CDC40: variants seen among roughly 807,000 people sequenced by gnomAD.
CDC40 encodes cell division cycle 40.
Under a neutral mutation model 80.6 loss-of-function variants are expected in CDC40, and 27 were observed. The ratio of observed to expected loss-of-function variants is 0.33; its 90% CI spans 0.25 to 0.46. CDC40 has a LOEUF of 0.46. CDC40 is among the 20% of genes least tolerant of loss of function. CDC40 has a pLI of 1.00. For synonymous variants in CDC40, 221 were observed against 232.6 expected (o/e 0.95, Z 0.45); for missense variants, 486 against 694.1 (o/e 0.70, Z 3.37).
chr6:110,224,148 C>T (rs1215398301), intron 12 of CDC40: 1 of 151,904 alleles, frequency 6.6e-6, no homozygotes, highest in African/African-American at 2.4e-5. Flanking sequence ...CGACCAAATG[C>T]ATGAAATATC....
rs181633317 is a variant in CDC40 at position 110,199,462 on chromosome 6, T to C, written c.277-2096T>C. The stretch of plus-strand genomic sequence containing the variant: ...ACAAAAAATTAGCCGGGTGTGGTGG[T>C]GGGCACCTGTAGTCCCAGCTACTCG... On this transcript the variant is annotated intron_variant, in intron 2 of 14. Coordinates refer to ENST00000307731, the MANE Select transcript of CDC40 (RefSeq NM_015891.3). Among the ~76,000 whole-genome samples the C allele has an allele frequency of 1.3e-3, 196 of 151,758 alleles. 1 individual carries two copies. The highest frequency in any genetic ancestry group is 4.6e-3 in the African/African-American group (192 of 41,330).
chr6:110,190,248 AAAGGCATTGCCT>A (rs1188798437), intron 1 of CDC40, among the ~76,000 whole-genome samples: 1 of 152,242 alleles, frequency 6.6e-6, no homozygotes, highest in African/African-American at 2.4e-5. Context: ...ATAAAATAAT[AAAGGCATTGCCT>A]AAGGTACAAG....
chr6:110,218,877 C>G lies in CDC40; in HGVS notation c.1091-487C>G, dbSNP rs1777732399. On this transcript the variant is annotated intron_variant, in intron 10 of 14. Coordinates refer to ENST00000307731, the MANE Select transcript of CDC40 (RefSeq NM_015891.3). ...CTATGCAGTTGTCTACCACAAAGATCAAGATCTAGAACATTTGCGGCACTC... is the reference window on the plus strand; with the variant it reads ...CTATGCAGTTGTCTACCACAAAGATGAAGATCTAGAACATTTGCGGCACTC... Among the ~76,000 whole-genome samples the G allele has an allele frequency of 2.1e-5, 3 of 142,152 alleles. No individual in the cohort carries two copies. The South Asian group carries it at 6.7e-4, about 32-fold the overall frequency. The allele number at this position is 142,152 out of a possible 152,430, so 93.3% of individuals were successfully genotyped here. A position where few individuals can be genotyped will look rare whatever the true frequency, so the allele number is the denominator to read the frequency against.
intron 12 of CDC40, among the ~76,000 whole-genome samples, chr6:110,223,347 T>A (rs1336183697): frequency 6.6e-6 from 1 of 152,152 alleles, no homozygotes; most frequent in Non-Finnish European, 1.5e-5. Flanking sequence ...ATCATATGAA[T>A]GGATGGTTAG....
intron 14 of CDC40, among the ~76,000 whole-genome samples, chr6:110,229,715 G>A (rs537197032): frequency 3.3e-5 from 5 of 151,910 alleles, no homozygotes; most frequent in Non-Finnish European, 7.4e-5. Flanking sequence ...GTGGCTCCTG[G>A]GACTCCCAGT....
At chr6:110,217,663 A>T in intron 9 of CDC40, 39 bp from the exon 10 acceptor site, 1 of 870,058 alleles carries the variant, frequency 1.1e-6, no homozygotes, top group Middle Eastern at 2.2e-4. Flanking sequence ...GATATATGAT[A>T]CTTCACCTCA....
At chr6:110,212,997 C>A in intron 7 of CDC40, 89 bp from the exon 8 acceptor site, 2 of 895,330 alleles carry the variant, frequency 2.2e-6, no homozygotes, top group Non-Finnish European at 3.8e-6. Context: ...GCAAATTAGG[C>A]TGCTTAATAT....
chr6:110,228,815 A>C lies in CDC40; in HGVS notation c.1418-17A>C, dbSNP rs1176952825. 2 of 1,561,090 alleles carry C rather than the reference A, an allele frequency of 1.3e-6. No individual in the cohort carries two copies. Among genetic ancestry groups the C allele is most frequent in the Non-Finnish European group, 1.7e-6 (2 of 1,162,526 alleles). ...TTTTAGTCTTCCTCTAAAATACCTCATTTATTGAATTTACAGGAAAATGGC... is the reference window on the plus strand; with the variant it reads ...TTTTAGTCTTCCTCTAAAATACCTCCTTTATTGAATTTACAGGAAAATGGC... On this transcript the variant is annotated splice_polypyrimidine_tract_variant and intron_variant, in intron 13 of 14. Transcript: ENST00000307731.
chr6:110,205,274 A>G (rs1275148918), intron 3 of CDC40, among the ~76,000 whole-genome samples: 1 of 152,208 alleles, frequency 6.6e-6, no homozygotes, highest in Admixed American at 6.5e-5. Flanking sequence ...TTAAAAAGAT[A>G]AAAGGGAAAA....
Position 110,207,575 on chromosome 6 carries a change from C to G in CDC40, c.476C>G (p.Ala159Gly). ...AAATATATTGGTTCTGTAGAAGAAGCTGAAAAAAATCAAGGTAATTTATTT... is the reference window on the plus strand; with the variant it reads ...AAATATATTGGTTCTGTAGAAGAAGGTGAAAAAAATCAAGGTAATTTATTT... The part of the protein sequence containing the change: ...SAKYIGSVEE[A>G]EKNQGLTVFE... Residue 159 changes from alanine to glycine, a missense_variant, in exon 4 of 15, where the codon GCT becomes GGT. By Grantham distance (60) the Ala-to-Gly change is moderately conservative (BLOSUM62 0). This residue lies in a region of CDC40 where 381 missense variants were observed against 492.1 expected (regional missense o/e 0.77). Coordinates refer to ENST00000307731, the MANE Select transcript of CDC40 (RefSeq NM_015891.3). The G allele has an allele frequency of 6.4e-7, 1 of 1,564,688 alleles. No individual in the cohort carries two copies. The highest frequency in any genetic ancestry group is 8.8e-7 in the Non-Finnish European group (1 of 1,136,014).
At chr6:110,211,930 T>C in intron 6 of CDC40, 1 of 513,584 alleles carries the variant, frequency 1.9e-6, no homozygotes, top group Middle Eastern at 5.1e-4. Context: ...AATTTCGAAA[T>C]ACTACCTCTA....
chr6:110,222,211 T>C (rs1188103866), intron 12 of CDC40, among the ~76,000 whole-genome samples: 2 of 151,998 alleles, frequency 1.3e-5, no homozygotes, highest in Non-Finnish European at 2.9e-5. Context: ...TCTATGCTTG[T>C]GCCACTGCAC....
intron 1 of CDC40, among the ~76,000 whole-genome samples, chr6:110,186,168 A>G (rs1026474799): frequency 1.3e-5 from 2 of 152,194 alleles, no homozygotes; most frequent in African/African-American, 4.8e-5. Flanking sequence ...CATATGCAAG[A>G]TACCACTTTC....
At chr6:110,187,166 G>C (rs12665152) in intron 1 of CDC40, among the ~76,000 whole-genome samples, 7,822 of 152,208 alleles carry the variant, frequency 0.051, 223 homozygotes, top group East Asian at 0.12. Flanking sequence ...TTTTAGTAGA[G>C]ACGGGGTTTC....
At chr6:110,205,297 A>G (rs912035796) in intron 3 of CDC40, among the ~76,000 whole-genome samples, 2 of 152,216 alleles carry the variant, frequency 1.3e-5, no homozygotes, top group Non-Finnish European at 2.9e-5. Flanking sequence ...AGCTTCAGGA[A>G]GATAGATAAG....
chr6:110,215,368 G>T, intron 9 of CDC40, 37 bp downstream of exon 9: 3 of 1,534,098 alleles, frequency 2.0e-6, no homozygotes, highest in South Asian at 1.1e-5. Flanking sequence ...AATCTGGGAA[G>T]AATTTTTAAA....
chr6:110,194,662 C>T (rs965375263), intron 2 of CDC40, among the ~76,000 whole-genome samples: 16 of 152,184 alleles, frequency 1.1e-4, no homozygotes, highest in African/African-American at 3.9e-4. Context: ...TTAGCCACCC[C>T]ACTGAAGAGA....
intron 12 of CDC40, among the ~76,000 whole-genome samples, chr6:110,222,391 T>A (rs1426426416): frequency 6.6e-6 from 1 of 151,920 alleles, no homozygotes; most frequent in African/African-American, 2.4e-5. Flanking sequence ...ACCCCGTCTG[T>A]ACTAAAAATA....
chr6:110,184,038 A>G (rs996151867), intron 1 of CDC40, among the ~76,000 whole-genome samples: 4 of 152,166 alleles, frequency 2.6e-5, no homozygotes, highest in South Asian at 2.1e-4. Context: ...TCCTTTATGT[A>G]TCGGGTTCCT....
Sources: gnomAD v4.1 joint callset for allele counts (sites outside exome capture counted in the v4.1 genomes callset) on GRCh38, gnomAD v4.1.1 for gene constraint, gnomAD v4.1.1 regional missense constraint, MANE v1.5 for transcripts, NCBI Gene and HGNC (gene_info 2026-07-23, HGNC 2026-07-21) for gene names.